The following TANC2 variants were observed in gnomAD, a reference collection of about 807,000 sequenced individuals.
TANC2 encodes tetratricopeptide repeat, ankyrin repeat and coiled-coil containing 2, also known as protein TANC2.
TANC2 carries 26 observed loss-of-function variants against 210.5 expected under a neutral mutation model. The ratio of observed to expected loss-of-function variants is 0.12; its 90% confidence interval spans 0.09 to 0.17. TANC2 has a LOEUF of 0.17. TANC2 is among the 10% of genes least tolerant of loss of function. TANC2 has a pLI of 1.00. For synonymous variants in TANC2, 931 were observed against 967.1 expected, an observed-to-expected ratio of 0.96 and a Z score of 0.69; for missense variants, 2,129 against 2,608.9, an observed-to-expected ratio of 0.82 and a Z score of 4.01.
intron 15 of TANC2, among the ~76,000 whole-genome samples, chr17:63,386,375 T>C (rs1401153587): frequency 2.0e-5 from 3 of 152,302 alleles, no homozygotes. Context: ...TTTTAAAGAG[T>C]TCATATCTGT....
At chr17:63,127,688 T>C (rs1197101719) in intron 4 of TANC2, among the ~76,000 whole-genome samples, 1 of 152,268 alleles carries the variant, frequency 6.6e-6, no homozygotes, top group African/African-American at 2.4e-5. Context: ...CTCTGCTTTA[T>C]TTCCAAATCT....
chr17:62,998,803 C>G (rs1588367), intron 1 of TANC2, among the ~76,000 whole-genome samples: 76,932 of 151,974 alleles, frequency 0.51, 20,863 homozygotes, highest in African/African-American at 0.7. Flanking sequence ...AAAAAACACA[C>G]TTAAGTACAT....
In TANC2 at chr17:63,412,553, G is replaced by C. The variant is rs2048736265; in HGVS notation, c.3899-127G>C. The C allele has an allele frequency of 3.4e-6, 3 of 884,272 alleles. No individual in the cohort carries two copies. Among genetic ancestry groups the C allele is most frequent in the Admixed American group, 4.4e-5 (2 of 45,010 alleles). The allele number at this position is 884,272 out of a possible 1,614,324, so 54.8% of individuals were successfully genotyped here. The stretch of plus-strand genomic sequence containing the variant: ...CAAGCCCACAGACCTATAGACGAGG[G>C]TTGGCTGATATGCTGGCTTTGTGCT... On this transcript the variant is annotated intron_variant, in intron 23 of 27. Coordinates refer to ENST00000689528, the Ensembl canonical transcript of TANC2. This position sits in a 1 kb window ranked among gnomAD's most constrained non-coding sequence, Gnocchi z 4.2.
chr17:63,090,455 G>A lies in TANC2; in HGVS notation c.140-8720G>A, dbSNP rs150351588. ...TCAGTTCCCACCTATGAGTGAGAAC[G>A]TGTGGTATTTGCTGTCCTTGCAATA... On this transcript the variant is annotated intron_variant, in intron 3 of 27. Coordinates refer to ENST00000689528, the Ensembl canonical transcript of TANC2. 9.8e-4 allele frequency among the ~76,000 whole-genome samples: 149 copies of A among 151,896 alleles called. No homozygotes were observed. The East Asian group carries it at 0.013, about 13-fold the overall frequency.
chr17:63,050,801 A>G (rs2035556244), intron 2 of TANC2, among the ~76,000 whole-genome samples: 1 of 152,254 alleles, frequency 6.6e-6, no homozygotes, highest in South Asian at 2.1e-4. Flanking sequence ...ATCTGGAATG[A>G]TAGGGACAAA....
At chr17:63,362,258 T>C (rs2046985634) in intron 14 of TANC2, among the ~76,000 whole-genome samples, 1 of 152,194 alleles carries the variant, frequency 6.6e-6, no homozygotes, top group Non-Finnish European at 1.5e-5. Context: ...TGAGTTTGGC[T>C]GAGTCCAGGG....
chr17:63,220,296 T>TAAAAA (rs1300715584), intron 7 of TANC2, among the ~76,000 whole-genome samples: 2 of 123,356 alleles, frequency 1.6e-5, no homozygotes, highest in African/African-American at 6.0e-5. Context: ...CTCCGTCTCA[T>TAAAAA]AAAAAAAAAA....
intron 1 of TANC2, among the ~76,000 whole-genome samples, chr17:62,983,581 A>T (rs1190648349): frequency 2.0e-5 from 3 of 152,126 alleles, no homozygotes; most frequent in Non-Finnish European, 4.4e-5. Flanking sequence ...TTACCCATTC[A>T]GTATGATGTT....
At chr17:63,060,783 A>T (rs2035969475) in intron 2 of TANC2, among the ~76,000 whole-genome samples, 1 of 152,232 alleles carries the variant, frequency 6.6e-6, no homozygotes, top group Non-Finnish European at 1.5e-5. Flanking sequence ...CTGAGTTTTT[A>T]CATGTTGATA....
At chr17:63,253,489 A>G (rs2043107423) in intron 8 of TANC2, among the ~76,000 whole-genome samples, 1 of 152,088 alleles carries the variant, frequency 6.6e-6, no homozygotes, top group African/African-American at 2.4e-5. Context: ...CTGCCCTTTT[A>G]GGGTATTACC....
intron 19 of TANC2, among the ~76,000 whole-genome samples, chr17:63,400,942 C>T (rs779029854): frequency 6.6e-5 from 10 of 151,970 alleles, no homozygotes; most frequent in Non-Finnish European, 1.5e-4. Flanking sequence ...TGTGAGCCAC[C>T]GTGCCTGGCT....
At chr17:62,977,634 C>G (rs928731247) in intron 1 of TANC2, among the ~76,000 whole-genome samples, 3 of 151,876 alleles carry the variant, frequency 2.0e-5, no homozygotes, top group Admixed American at 2.0e-4. Context: ...AACATTCTAC[C>G]TATTTTTTTT....
At chr17:63,178,264 C>T (rs1054815905) in intron 5 of TANC2, among the ~76,000 whole-genome samples, 25 of 152,008 alleles carry the variant, frequency 1.6e-4, no homozygotes, top group African/African-American at 5.8e-4. Flanking sequence ...ACCCGGGAGG[C>T]GGAGCTTGCA....
chr17:63,407,429 G>A (rs2048547502), intron 21 of TANC2, among the ~76,000 whole-genome samples: 1 of 152,180 alleles, frequency 6.6e-6, no homozygotes, highest in Admixed American at 6.5e-5. Flanking sequence ...AAAGAGGCAG[G>A]AACTCTTGAG....
intron 11 of TANC2, among the ~76,000 whole-genome samples, chr17:63,336,984 G>GA (rs1487831064): frequency 2.0e-5 from 3 of 151,900 alleles, no homozygotes; most frequent in South Asian, 2.1e-4. Context: ...AAACTGAAGG[G>GA]AAAAAAATCT....
chr17:63,412,643 C>G lies in TANC2; in HGVS notation c.3899-37C>G, dbSNP rs1343569673. 1.3e-6 allele frequency: 2 copies of G among 1,489,862 alleles called. No individual in the cohort carries two copies. Among genetic ancestry groups the G allele is most frequent in the East Asian group, 4.9e-5 (2 of 40,518 alleles). The allele number at this position is 1,489,862 out of a possible 1,614,324, so 92.3% of individuals were successfully genotyped here. A position where few individuals can be genotyped will look rare whatever the true frequency, so the allele number is the denominator to read the frequency against. On this transcript the variant is annotated intron_variant, in intron 23 of 27. Transcript: ENST00000689528. The surrounding 1 kb of genome is among the most constrained non-coding windows in gnomAD (Gnocchi z 4.2). ...TTTCACCTTCATCCATTTTTTTTTCCTCTCCTACAACTTTTTGTTTTCTCC... is the reference window on the plus strand; with the variant it reads ...TTTCACCTTCATCCATTTTTTTTTCGTCTCCTACAACTTTTTGTTTTCTCC...
chr17:63,264,504 C>T (rs146578445), intron 8 of TANC2, among the ~76,000 whole-genome samples: 20 of 152,212 alleles, frequency 1.3e-4, no homozygotes, highest in Non-Finnish European at 2.4e-4. Context: ...TGTTTCACCT[C>T]GCCTTTGCAA....
chr17:62,988,679 G>C (rs1350140610), intron 1 of TANC2, among the ~76,000 whole-genome samples: 1 of 152,168 alleles, frequency 6.6e-6, no homozygotes, highest in Non-Finnish European at 1.5e-5. Flanking sequence ...ATTTGGAAGA[G>C]AATAAAGAAC....
intron 5 of TANC2, among the ~76,000 whole-genome samples, chr17:63,155,580 A>C (rs2039807429): frequency 6.6e-6 from 1 of 152,206 alleles, no homozygotes; most frequent in African/African-American, 2.4e-5. Context: ...CTATATGTGC[A>C]TGAAAGGTTA....
Sources: allele counts gnomAD v4.1 joint callset (sites outside exome capture counted in the v4.1 genomes callset), GRCh38; gene constraint gnomAD v4.1.1; non-coding constraint Gnocchi (gnomAD v3.1); transcripts MANE v1.5; gene names NCBI Gene and HGNC (gene_info 2026-07-23, HGNC 2026-07-21).